KIAA0586: variants seen among roughly 807,000 people sequenced by gnomAD.
KIAA0586 encodes the protein protein TALPID3.
In KIAA0586, 144 loss-of-function variants were observed where a neutral mutation model predicts 169.8. The observed-to-expected ratio is 0.85, with a 90% CI of 0.74 to 0.97. The LOEUF is 0.97. KIAA0586 is among the 50% of genes least tolerant of loss of function. KIAA0586 has a pLI of 0.00. For synonymous variants in KIAA0586, 625 were observed against 612.4 expected (o/e 1.02, Z -0.30); for missense variants, 1,854 against 1,823.0 (o/e 1.02, Z -0.31).
intron 24 of KIAA0586, among the ~76,000 whole-genome samples, chr14:58,489,523 A>T (rs1439907069): frequency 3.3e-5 from 5 of 151,934 alleles, no homozygotes; most frequent in African/African-American, 1.2e-4. Context: ...CCCAGCCTGA[A>T]ACCTGAATTT....
At chr14:58,556,695 T>G in the KIAA0586 span, among the ~76,000 whole-genome samples, 1 of 152,244 alleles carries the variant, frequency 6.6e-6, no homozygotes, top group East Asian at 1.9e-4. Context: ...TAGTTTCTTT[T>G]GTAAGTATAA....
At chr14:58,521,969 C>G in intron 29 of KIAA0586, 1 of 1,359,008 alleles carries the variant, frequency 7.4e-7, no homozygotes, top group Non-Finnish European at 1.1e-6. Context: ...AGAGACAGCA[C>G]CAATGGCGAA....
At chr14:58,430,527 A>C in intron 2 of KIAA0586, 121 bp from the exon 3 acceptor site, 1 of 565,292 alleles carries the variant, frequency 1.8e-6, no homozygotes, top group Non-Finnish European at 3.1e-6. Flanking sequence ...GGAAATGAAG[A>C]ATATGAAATA....
chr14:58,427,703 C>A, upstream of KIAA0586: 4 of 1,535,226 alleles, frequency 2.6e-6, no homozygotes, highest in Non-Finnish European at 3.5e-6. Flanking sequence ...TGGGTGTTGA[C>A]CTGCGGGCAA....
At chr14:58,491,819 C>T (rs1157073667) in intron 25 of KIAA0586, among the ~76,000 whole-genome samples, 4 of 152,186 alleles carry the variant, frequency 2.6e-5, no homozygotes, top group Non-Finnish European at 5.9e-5. Context: ...GAGGCTGTGA[C>T]CCAAAAACAA....
chr14:58,448,544 T>G (rs2039096109), intron 7 of KIAA0586, 51 bp downstream of exon 7: 3 of 1,384,858 alleles, frequency 2.2e-6, no homozygotes, highest in Admixed American at 2.0e-5. Flanking sequence ...GTGAATTTTC[T>G]TTGTGCTACA....
At chr14:58,432,718 T>TTTTA (rs770126099) in intron 4 of KIAA0586, among the ~76,000 whole-genome samples, 6 of 152,276 alleles carry the variant, frequency 3.9e-5, no homozygotes, top group South Asian at 4.1e-4. Flanking sequence ...CCCCATTTTC[T>TTTTA]TTTATTTATT....
intron 29 of KIAA0586, among the ~76,000 whole-genome samples, chr14:58,533,292 A>G (rs1206294736): frequency 2.0e-5 from 3 of 152,246 alleles, no homozygotes; most frequent in Non-Finnish European, 4.4e-5. Context: ...ATAGCACTTT[A>G]GAGGAAGCAG....
rs2045182437 is a variant in KIAA0586 at position 58,521,075 on chromosome 14, C to T, written c.4429+8448C>T. ...AGACTGAGCGGTTGTGGCCGCCTTG[C>T]CGACCTTGAGCAGCAGTTGGCTTCT... On this transcript the variant is annotated intron_variant, in intron 29 of 30. Transcript: ENST00000652326. 7.2e-6 allele frequency: 3 copies of T among 417,522 alleles called. No individual in the cohort carries two copies. The Admixed American group carries it at 1.1e-4, about 15-fold the overall frequency. 25.9% of individuals were successfully genotyped at this position (417,522 alleles called of 1,614,324 possible).
chr14:58,496,688 A>G, intron 26 of KIAA0586, among the ~76,000 whole-genome samples: 1 of 152,298 alleles, frequency 6.6e-6, no homozygotes, highest in East Asian at 1.9e-4. Flanking sequence ...ATTTTATTTT[A>G]TAGTCAATGG....
chr14:58,524,463 T>C (rs1389764557), intron 29 of KIAA0586, among the ~76,000 whole-genome samples: 1 of 152,184 alleles, frequency 6.6e-6, no homozygotes, highest in Non-Finnish European at 1.5e-5. Context: ...AGACGGGGCC[T>C]GGGAATGTAA....
intron 4 of KIAA0586, chr14:58,439,858 A>G: frequency 8.1e-6 from 8 of 981,880 alleles, no homozygotes; most frequent in Non-Finnish European, 9.7e-6. Flanking sequence ...TATTCCTGCC[A>G]ATTTTACTTA....
intron 26 of KIAA0586, among the ~76,000 whole-genome samples, chr14:58,495,221 G>A (rs570254463): frequency 3.2e-4 from 49 of 152,050 alleles, no homozygotes; most frequent in Admixed American, 1.1e-3. Context: ...CTTTTTCTAA[G>A]CATTAAGCAT....
chr14:58,478,423 C>T (rs1318680620), intron 20 of KIAA0586, among the ~76,000 whole-genome samples: 1 of 152,188 alleles, frequency 6.6e-6, no homozygotes, highest in African/African-American at 2.4e-5. Context: ...GCGGAGGTTG[C>T]AGTGAGCCAA....
chr14:58,495,925 C>T (rs955137943), intron 26 of KIAA0586, among the ~76,000 whole-genome samples: 5 of 151,950 alleles, frequency 3.3e-5, no homozygotes, highest in Non-Finnish European at 4.4e-5. Flanking sequence ...GAAAAATTGC[C>T]CCTAGCTGTA....
In KIAA0586 at chr14:58,456,558, A is replaced by T. The variant is rs115410683; in HGVS notation, c.1254-144A>T. Reference sequence around the variant, plus strand: ...TAATCACATAACTGATTAATTCCATAGTTCAATTTTAATAGGATACCATTT... The same window carrying T: ...TAATCACATAACTGATTAATTCCATTGTTCAATTTTAATAGGATACCATTT... On this transcript the variant is annotated intron_variant, in intron 9 of 30. Transcript: ENST00000652326. 2.9e-3 allele frequency: 1,539 copies of T among 533,532 alleles called. 21 individuals carry two copies. The highest frequency in any genetic ancestry group is 0.026 in the African/African-American group (1,388 of 53,004). 33.0% of individuals were successfully genotyped at this position (533,532 alleles called of 1,614,324 possible). A position where few individuals can be genotyped will look rare whatever the true frequency, so the allele number is the denominator to read the frequency against.
At chr14:58,445,787 T>TTC (rs1162602022) in intron 6 of KIAA0586, among the ~76,000 whole-genome samples, 1 of 150,934 alleles carries the variant, frequency 6.6e-6, no homozygotes. Flanking sequence ...TAAACTCTTT[T>TTC]TTTTTTTTTT....
At chr14:58,546,539 A>G (rs561870865) in intron 30 of KIAA0586, among the ~76,000 whole-genome samples, 2 of 152,180 alleles carry the variant, frequency 1.3e-5, no homozygotes, top group Non-Finnish European at 2.9e-5. Context: ...AAGGTAATTT[A>G]TTTTTAACGT....
rs1304351784 is a variant in KIAA0586, at chr14:58,441,005, A to G, written c.411-1701A>G. On this transcript the variant is annotated intron_variant, in intron 4 of 30. Transcript: ENST00000652326. ...AGTAGATCTTAAATGTTCTCATCACATAAAAAGATAATTATGTGAAGTGAT... is the reference window on the plus strand; with the variant it reads ...AGTAGATCTTAAATGTTCTCATCACGTAAAAAGATAATTATGTGAAGTGAT... The G allele has an allele frequency of 2.2e-5, 4 of 183,218 alleles. No individual in the cohort carries two copies. In the East Asian group the frequency reaches 4.2e-4, roughly 19 times the overall value. 11.3% of individuals were successfully genotyped at this position (183,218 alleles called of 1,614,324 possible). A position where few individuals can be genotyped will look rare whatever the true frequency, so the allele number is the denominator to read the frequency against.
Sources: gnomAD v4.1 joint callset for allele counts (sites outside exome capture counted in the v4.1 genomes callset) on GRCh38, gnomAD v4.1.1 for gene constraint, MANE v1.5 for transcripts, NCBI Gene and HGNC (gene_info 2026-07-23, HGNC 2026-07-21) for gene names.